The following DAAM1 variants were observed in gnomAD, a reference collection of about 807,000 sequenced individuals.
DAAM1 encodes dishevelled associated activator of morphogenesis 1.
In DAAM1, 52 loss-of-function variants were observed where a neutral mutation model predicts 130.0. The observed-to-expected ratio is 0.40, with a 90% CI of 0.32 to 0.50. The LOEUF (loss-of-function observed/expected upper bound fraction) is 0.50. DAAM1 is among the 20% of genes least tolerant of loss of function. DAAM1 has a pLI of 0.61. For synonymous variants in DAAM1, 452 were observed against 444.5 expected (o/e 1.02, Z -0.21); for missense variants, 1,134 against 1,303.8 (o/e 0.87, Z 2.01).
At chr14:59,249,283 A>G (rs887280073) in intron 1 of DAAM1, among the ~76,000 whole-genome samples, 4 of 152,216 alleles carry the variant, frequency 2.6e-5, no homozygotes, top group African/African-American at 4.8e-5. Flanking sequence ...GGCATGTTCC[A>G]TTGGCATCCT....
intron 2 of DAAM1, among the ~76,000 whole-genome samples, chr14:59,282,857 C>T (rs902796392): frequency 3.9e-5 from 6 of 152,060 alleles, no homozygotes; most frequent in African/African-American, 1.4e-4. Flanking sequence ...TTAGCAGTAC[C>T]CATTTATTCC....
In DAAM1 at chr14:59,331,423, C is replaced by T. The variant is rs144793831; in HGVS notation, c.1775C>T (p.Ala592Val). The T allele has an allele frequency of 6.2e-7, 1 of 1,614,006 alleles. No homozygotes were observed. Among genetic ancestry groups the T allele is most frequent in the Non-Finnish European group, 8.5e-7 (1 of 1,180,002 alleles). Residue 592 changes from alanine to valine, a missense_variant, in exon 14 of 25, where the codon GCT becomes GTT. Ala to Val is a moderately conservative substitution (Grantham distance 64). Coordinates refer to ENST00000360909, the MANE Select transcript of DAAM1 (RefSeq NM_001270520.2). ...GGGGCAATCATGCCACCTCCTGGTG[C>T]TCCAATGGGCCTAGCACTGAAGAAG... ...PLGAIMPPPG[A>V]PMGLALKKKS...
At chr14:59,304,904 T>G (rs1442472402) in intron 3 of DAAM1, among the ~76,000 whole-genome samples, 3 of 152,240 alleles carry the variant, frequency 2.0e-5, no homozygotes, top group African/African-American at 7.2e-5. Flanking sequence ...TAATTACTCT[T>G]TTCCAAAGGG....
At chr14:59,289,587 A>G (rs950188499) in intron 2 of DAAM1, among the ~76,000 whole-genome samples, 2 of 151,982 alleles carry the variant, frequency 1.3e-5, no homozygotes, top group Non-Finnish European at 2.9e-5. Flanking sequence ...TAAAGAATTT[A>G]AAATAGAACT....
intron 2 of DAAM1, among the ~76,000 whole-genome samples, chr14:59,274,011 C>T (rs985139429): frequency 1.3e-5 from 2 of 152,116 alleles, no homozygotes; most frequent in African/African-American, 4.8e-5. Flanking sequence ...CCTTCAATTC[C>T]CAGAATTCCT....
intron 2 of DAAM1, among the ~76,000 whole-genome samples, chr14:59,270,757 C>A (rs17255520): frequency 0.065 from 9,964 of 152,242 alleles, 425 homozygotes; most frequent in Non-Finnish European, 0.098. Context: ...GGGTTTCCTA[C>A]AGAATATTTC....
Position 59,371,346 on chromosome 14 carries a change from T to G in DAAM1, c.*2487T>G, listed in dbSNP as rs989541352. On this transcript the variant is annotated 3_prime_UTR_variant, in exon 25 of 25. Transcript: ENST00000360909. Reference sequence around the variant, plus strand: ...AAAAAAAAAGTATGTGTTATGAGACTGTACATGTTTTTTTAAAAATAGCAA... The same window carrying G: ...AAAAAAAAAGTATGTGTTATGAGACGGTACATGTTTTTTTAAAAATAGCAA... The G allele has an allele frequency of 3.3e-5, 5 of 152,152 alleles. No homozygotes were observed. The highest frequency in any genetic ancestry group is 5.9e-5 in the Non-Finnish European group (4 of 68,008). 9.4% of individuals were successfully genotyped at this position (152,152 alleles called of 1,614,324 possible).
chr14:59,231,301 T>C lies in DAAM1; in HGVS notation c.-37-32140T>C, dbSNP rs201784679. Among the ~76,000 whole-genome samples the C allele has an allele frequency of 3.3e-5, 5 of 152,250 alleles. No individual in the cohort carries two copies. The East Asian group carries it at 9.7e-4, about 29-fold the overall frequency. On this transcript the variant is annotated intron_variant, in intron 1 of 24. Coordinates refer to ENST00000360909, the MANE Select transcript of DAAM1 (RefSeq NM_001270520.2). The stretch of plus-strand genomic sequence containing the variant: ...ACATCTTATATTTCCCCACCTTTGA[T>C]ACAGATGTAAGCACAAGAAATATTT...
intron 1 of DAAM1, among the ~76,000 whole-genome samples, chr14:59,242,052 G>T (rs567925090): frequency 5.9e-5 from 9 of 152,286 alleles, no homozygotes; most frequent in African/African-American, 1.9e-4. Flanking sequence ...AGACCTTGAA[G>T]ATTCTCATCC....
chr14:59,251,936 G>A (rs1881662105), intron 1 of DAAM1, among the ~76,000 whole-genome samples: 1 of 152,196 alleles, frequency 6.6e-6, no homozygotes, highest in African/African-American at 2.4e-5. Flanking sequence ...GAGCCGAGGT[G>A]TGGTGTAGTG....
chr14:59,292,075 G>A lies in DAAM1; in HGVS notation c.273+769G>A, dbSNP rs1185094996. ...TGCACTCTGCCAACTTTTAAACCCT[G>A]TAGCAGATTCTGAGGATATCCCTAC... On this transcript the variant is annotated intron_variant, in intron 3 of 24. Transcript: ENST00000360909. 3.3e-5 allele frequency among the ~76,000 whole-genome samples: 5 copies of A among 152,070 alleles called. No homozygotes were observed. In the East Asian group the frequency reaches 7.7e-4, roughly 23 times the overall value.
chr14:59,326,738 C>A, intron 11 of DAAM1, 90 bp downstream of exon 11: 3 of 1,560,394 alleles, frequency 1.9e-6, no homozygotes, highest in Admixed American at 3.7e-5. Context: ...GCTGGGAGAG[C>A]TGAAATGTTC....
intron 1 of DAAM1, among the ~76,000 whole-genome samples, chr14:59,220,330 T>C (rs1277854664): frequency 1.3e-5 from 2 of 152,204 alleles, no homozygotes; most frequent in Non-Finnish European, 2.9e-5. Flanking sequence ...GGATTAACTC[T>C]AGAGCAAACA....
chr14:59,289,103 G>C (rs1001955737), intron 2 of DAAM1, among the ~76,000 whole-genome samples: 1 of 151,980 alleles, frequency 6.6e-6, no homozygotes, highest in East Asian at 1.9e-4. Context: ...TTTTAGTAGA[G>C]ACAGGGTTTC....
In DAAM1 at chr14:59,325,980, T is replaced by G; in HGVS notation, c.1077T>G (p.Ser359Arg). 1 of 1,614,180 alleles carries G rather than the reference T, an allele frequency of 6.2e-7. No individual in the cohort carries two copies. Among genetic ancestry groups the G allele is most frequent in the Non-Finnish European group, 8.5e-7 (1 of 1,180,000 alleles). Residue 359 changes from serine to arginine, a missense_variant, in exon 10 of 25, where the codon AGT becomes AGG. Ser to Arg is a moderately radical substitution (Grantham distance 110). Transcript: ENST00000360909. ...RFELVHIDTK[S>R]ATQMFELTRK... ...AATAGGTTCACATAGACACAAAAAG[T>G]GCAACTCAGATGTTTGAGCTGACCA...
At chr14:59,241,263 G>T (rs925613273) in intron 1 of DAAM1, among the ~76,000 whole-genome samples, 21 of 152,184 alleles carry the variant, frequency 1.4e-4, no homozygotes, top group African/African-American at 4.8e-4. Flanking sequence ...ATAAAATTCT[G>T]CAAGGTCTGG....
chr14:59,280,957 C>T (rs1188061728), intron 2 of DAAM1, among the ~76,000 whole-genome samples: 1 of 152,142 alleles, frequency 6.6e-6, no homozygotes. Flanking sequence ...TCCCCTTTCC[C>T]TCTGTTCCCT....
chr14:59,271,910 G>T (rs1436798690), intron 2 of DAAM1, among the ~76,000 whole-genome samples: 3 of 152,056 alleles, frequency 2.0e-5, no homozygotes, highest in Admixed American at 2.0e-4. Context: ...TCAGTTGCCT[G>T]TCCCCAAGAA....
chr14:59,207,483 A>G (rs1049387744), intron 1 of DAAM1, among the ~76,000 whole-genome samples: 1 of 152,242 alleles, frequency 6.6e-6, no homozygotes, highest in Non-Finnish European at 1.5e-5. Flanking sequence ...CATGTTAGAA[A>G]TTAGAATTAA....
Sources: allele counts gnomAD v4.1 joint callset (sites outside exome capture counted in the v4.1 genomes callset), GRCh38; gene constraint gnomAD v4.1.1; transcripts MANE v1.5; gene names NCBI Gene and HGNC (gene_info 2026-07-23, HGNC 2026-07-21).